The following SPAG7 variants were observed in gnomAD, a reference collection of about 807,000 sequenced individuals.
SPAG7 encodes sperm associated antigen 7, also known as sperm-associated antigen 7.
SPAG7 carries 20 observed loss-of-function variants against 30.6 expected under a neutral mutation model. The observed-to-expected ratio is 0.65, with a 90% CI of 0.46 to 0.95. The LOEUF (loss-of-function observed/expected upper bound fraction) is 0.95, where lower values mean the gene tolerates loss of function less well. SPAG7 is among the 40% of genes least tolerant of loss of function. SPAG7 has a pLI of 0.00. For synonymous variants in SPAG7, 127 were observed against 104.2 expected, an observed-to-expected ratio of 1.22 and a Z score of -1.33; for missense variants, 276 against 291.1, an observed-to-expected ratio of 0.95 and a Z score of 0.38.
At chr17:4,962,495 C>G (rs549752532) in intron 1 of SPAG7, among the ~76,000 whole-genome samples, 22 of 152,272 alleles carry the variant, frequency 1.4e-4, no homozygotes, top group African/African-American at 5.3e-4. Flanking sequence ...GCAGCCTTGA[C>G]CTCCCTGGCT....
chr17:4,966,246 G>C (rs1395714097), intron 1 of SPAG7: 1 of 152,230 alleles, frequency 6.6e-6, no homozygotes, highest in Admixed American at 6.5e-5. Context: ...CCAAAGTGGT[G>C]GTATTAAAGG....
chr17:4,959,923 G>C lies in SPAG7; in HGVS notation c.418-7C>G. On this transcript the variant is annotated splice_polypyrimidine_tract_variant and splice_region_variant and intron_variant, in intron 5 of 6. Transcript: ENST00000206020. ...CTTGCCTCTGGGCCAGCTCCTAGGGGTGAAAGTGGGGGCACTGGTGCTCAG... is the reference window on the plus strand; with the variant it reads ...CTTGCCTCTGGGCCAGCTCCTAGGGCTGAAAGTGGGGGCACTGGTGCTCAG... 1.2e-6 allele frequency: 2 copies of C among 1,612,784 alleles called. No homozygotes were observed. Among genetic ancestry groups the C allele is most frequent in the South Asian group, 1.1e-5 (1 of 91,088 alleles).
In SPAG7 at chr17:4,967,741, C is replaced by T; in HGVS notation, c.64G>A (p.Glu22Lys). Residue 22 changes from glutamate to lysine, a missense_variant, in exon 1 of 7, where the codon GAG (glutamate) becomes AAG (lysine). Transcript: ENST00000206020. ...MEKPPSLGDQ[E>K]TRRKAREQAA... ...TCACCTCGGGCCTTGCGCCGAGTCT[C>T]CTGGTCACCGAGGCTGGGTGGCTTC... 1 of 1,614,084 alleles carries T rather than the reference C, an allele frequency of 6.2e-7. No individual in the cohort carries two copies. The highest frequency in any genetic ancestry group is 8.5e-7 in the Non-Finnish European group (1 of 1,179,956).
intron 1 of SPAG7, 118 bp downstream of exon 1, chr17:4,967,602 C>T (rs995925523): frequency 1.3e-6 from 1 of 780,044 alleles, no homozygotes; most frequent in Non-Finnish European, 2.2e-6. Flanking sequence ...CTCTGAGGGT[C>T]TCGGAAGGGG....
chr17:4,960,179 G>C lies in SPAG7; in HGVS notation c.327+55C>G, dbSNP rs546734278. ...TTTCATTTCATTCCTTGGTCGGGGA[G>C]GGGGGATAAGGCTACAAAGGGGAGA... On this transcript the variant is annotated intron_variant, in intron 4 of 6. Coordinates refer to ENST00000206020, the MANE Select transcript of SPAG7 (RefSeq NM_004890.3). The C allele has an allele frequency of 1.8e-5, 28 of 1,598,470 alleles. No homozygotes were observed. In the African/African-American group the frequency reaches 2.3e-4, roughly 13 times the overall value.
At chr17:4,963,062 T>C (rs1439715223) in intron 1 of SPAG7, among the ~76,000 whole-genome samples, 1 of 151,600 alleles carries the variant, frequency 6.6e-6, no homozygotes, top group Non-Finnish European at 1.5e-5. Context: ...CCACCATGCC[T>C]GGACTATAGT....
intron 1 of SPAG7, among the ~76,000 whole-genome samples, chr17:4,964,546 G>A (rs950052294): frequency 6.6e-6 from 1 of 151,234 alleles, no homozygotes; most frequent in Non-Finnish European, 1.5e-5. Context: ...TATTTTTAGT[G>A]GAGACAAGGT....
At chr17:4,959,952 C>T (rs765490479) in intron 5 of SPAG7, 36 bp from the exon 6 acceptor site, 4 of 1,612,962 alleles carry the variant, frequency 2.5e-6, no homozygotes, top group Non-Finnish European at 3.4e-6. Context: ...TGCTCAGGGC[C>T]CCAGCCCAAA....
chr17:4,965,718 G>A (rs1971938163), intron 1 of SPAG7: 1 of 151,992 alleles, frequency 6.6e-6, no homozygotes, highest in African/African-American at 2.4e-5. Flanking sequence ...GAGTGCAGTG[G>A]CGCAATCACC....
rs1597711278 is a variant in SPAG7, at chr17:4,960,576, G to A, written c.154-29C>T. 20 of 1,569,198 alleles carry A rather than the reference G, an allele frequency of 1.3e-5. No homozygotes were observed. The East Asian group carries it at 4.5e-4, about 35-fold the overall frequency. On this transcript the variant is annotated intron_variant, in intron 2 of 6. Coordinates refer to ENST00000206020, the MANE Select transcript of SPAG7 (RefSeq NM_004890.3). ...GGGAGAGGGGAAAGGAAGCAGATAT[G>A]AGACAATGGCTCCACCCAAGTACCC...
chr17:4,966,605 T>G (rs1372160232), intron 1 of SPAG7: 1 of 985,364 alleles, frequency 1.0e-6, no homozygotes, highest in East Asian at 1.1e-4. Context: ...CGGAATTACC[T>G]GTTCTGATCT....
At chr17:4,966,126 C>A (rs1971946532) in intron 1 of SPAG7, 1 of 152,286 alleles carries the variant, frequency 6.6e-6, no homozygotes, top group Non-Finnish European at 1.5e-5. Context: ...TTTGGGATTA[C>A]AGGCGTGAGC....
intron 1 of SPAG7, chr17:4,967,064 G>A (rs560626805): frequency 1.0e-6 from 1 of 985,720 alleles, no homozygotes; most frequent in South Asian, 4.7e-5. Context: ...CTCCGAGAAC[G>A]CAGGCGGAGA....
At chr17:4,967,089 A>C (rs1202345426) in intron 1 of SPAG7, 5 of 985,248 alleles carry the variant, frequency 5.1e-6, no homozygotes, top group Non-Finnish European at 6.0e-6. Flanking sequence ...GGCCAATCGG[A>C]CCCGGCGGGT....
intron 1 of SPAG7, chr17:4,966,618 G>A (rs1025207986): frequency 1.6e-5 from 16 of 985,320 alleles, no homozygotes; most frequent in South Asian, 4.7e-5. Context: ...TCTGATCTCG[G>A]CTCACTGCAG....
rs73973670 is a variant in SPAG7, at chr17:4,959,352, T to C, written c.*182A>G. ...TCACACTCTCACACACACACACACA[T>C]GCCACGCACATATCCAAGCTCCAAC... On this transcript the variant is annotated 3_prime_UTR_variant, in exon 7 of 7. Coordinates refer to ENST00000206020, the MANE Select transcript of SPAG7 (RefSeq NM_004890.3). 0.014 allele frequency: 7,586 copies of C among 541,100 alleles called. 308 individuals are homozygous for C. Among genetic ancestry groups the C allele is most frequent in the African/African-American group, 0.11 (5,980 of 52,298 alleles). 33.5% of individuals were successfully genotyped at this position (541,100 alleles called of 1,614,324 possible). A position where few individuals can be genotyped will look rare whatever the true frequency, so the allele number is the denominator to read the frequency against.
At chr17:4,967,075 C>T in intron 1 of SPAG7, 5 of 985,698 alleles carry the variant, frequency 5.1e-6, no homozygotes, top group Non-Finnish European at 6.0e-6. Context: ...CAGGCGGAGA[C>T]AGTGGCCAAT....
At position 4,960,524 on chromosome 17, in the gene SPAG7, G is replaced by A; in HGVS notation, c.177C>T (p.Phe59=). The A allele has an allele frequency of 3.1e-6, 5 of 1,604,154 alleles. No individual in the cohort carries two copies. The highest frequency in any genetic ancestry group is 4.2e-6 in the Non-Finnish European group (5 of 1,177,074). ...RKRMEKEVSD[F]IQDSGQIKKK... ...TCTTGATCTGCCCACTGTCTTGAATGAAATCTGACACCTCCTTCTCCATCT... is the reference window on the plus strand; with the variant it reads ...TCTTGATCTGCCCACTGTCTTGAATAAAATCTGACACCTCCTTCTCCATCT... The change falls in exon 3 of 7, where the codon TTC becomes TTT. Residue 59 remains phenylalanine (F), a synonymous_variant. Coordinates refer to ENST00000206020, the MANE Select transcript of SPAG7 (RefSeq NM_004890.3).
chr17:4,960,575 T>C (rs963968696), intron 2 of SPAG7, 28 bp from the exon 3 acceptor site: 1 of 1,571,504 alleles, frequency 6.4e-7, no homozygotes, highest in Non-Finnish European at 8.7e-7. Context: ...GAAGCAGATA[T>C]GAGACAATGG....
Sources: gnomAD v4.1 joint callset for allele counts (sites outside exome capture counted in the v4.1 genomes callset) on GRCh38, gnomAD v4.1.1 for gene constraint, MANE v1.5 for transcripts, NCBI Gene and HGNC (gene_info 2026-07-23, HGNC 2026-07-21) for gene names.